The following GFOD1 variants were observed in gnomAD, a reference collection of about 807,000 sequenced individuals.
GFOD1 encodes glucose-fructose oxidoreductase domain-containing protein 1.
Under a neutral mutation model 25.4 loss-of-function variants are expected in GFOD1, and 9 were observed. The observed-to-expected ratio is 0.35, with a 90% confidence interval of 0.21 to 0.62. The LOEUF is 0.62. Among genes scored for constraint, GFOD1 ranks in the 20% least tolerant of loss-of-function variants. GFOD1 has a pLI of 0.72. For missense variants in GFOD1, 403 were observed against 556.9 expected, an observed-to-expected ratio of 0.72 and a Z score of 2.78; for synonymous variants, 253 against 245.6, an observed-to-expected ratio of 1.03 and a Z score of -0.28.
chr6:13,483,359 C>A (rs1054251008), intron 1 of GFOD1, among the ~76,000 whole-genome samples: 2 of 152,160 alleles, frequency 1.3e-5, no homozygotes, highest in African/African-American at 4.8e-5. Flanking sequence ...GAAACCCCAG[C>A]AGGGTGGGCT....
At chr6:13,478,903 T>A (rs1004535451) in intron 1 of GFOD1, among the ~76,000 whole-genome samples, 9 of 152,048 alleles carry the variant, frequency 5.9e-5, no homozygotes, top group East Asian at 5.8e-4. Context: ...GAAACCCCCC[T>A]AAGCACCCCC....
intron 1 of GFOD1, among the ~76,000 whole-genome samples, chr6:13,424,956 C>CTTTTTTTTT (rs571287840): frequency 1.6e-5 from 2 of 123,896 alleles, no homozygotes; most frequent in African/African-American, 6.4e-5. Flanking sequence ...ACATTTAATT[C>CTTTTTTTTT]TTTTTTTTTT....
At chr6:13,457,115 C>T (rs72826959) in intron 1 of GFOD1, among the ~76,000 whole-genome samples, 2,084 of 152,262 alleles carry the variant, frequency 0.014, 23 homozygotes, top group Non-Finnish European at 0.022. Context: ...CTGCCCAACA[C>T]GGAAAGTGAA....
At chr6:13,379,326 G>A (rs989282131) in intron 1 of GFOD1, among the ~76,000 whole-genome samples, 7 of 152,114 alleles carry the variant, frequency 4.6e-5, no homozygotes, top group South Asian at 2.1e-4. Flanking sequence ...TAGAAGGCAC[G>A]CCAGCTGTTT....
At chr6:13,476,901 T>C (rs1758634843) in intron 1 of GFOD1, among the ~76,000 whole-genome samples, 1 of 152,054 alleles carries the variant, frequency 6.6e-6, no homozygotes, top group African/African-American at 2.4e-5. Context: ...TGTAGACGGG[T>C]ATAGAATTGG....
chr6:13,446,664 C>T (rs901051452), intron 1 of GFOD1, among the ~76,000 whole-genome samples: 1 of 152,168 alleles, frequency 6.6e-6, no homozygotes, highest in African/African-American at 2.4e-5. Flanking sequence ...ACATCCACTG[C>T]CCCAAGCACA....
At chr6:13,384,778 T>G (rs1459029709) in intron 1 of GFOD1, among the ~76,000 whole-genome samples, 1 of 152,232 alleles carries the variant, frequency 6.6e-6, no homozygotes, top group Non-Finnish European at 1.5e-5. Context: ...AGCTCTCTGA[T>G]GCACTGTAAA....
chr6:13,451,013 C>T (rs889735205), intron 1 of GFOD1, among the ~76,000 whole-genome samples: 33 of 152,234 alleles, frequency 2.2e-4, no homozygotes, highest in Admixed American at 2.2e-3. Context: ...TTTCCTACCA[C>T]ACCTTGACCT....
intron 1 of GFOD1, among the ~76,000 whole-genome samples, chr6:13,386,487 C>T (rs190092968): frequency 8.1e-4 from 123 of 152,322 alleles, no homozygotes; most frequent in Middle Eastern, 3.4e-3. Flanking sequence ...AGCAGAAGTG[C>T]CACTTGCCTG....
chr6:13,393,233 G>A (rs916002215), intron 1 of GFOD1, among the ~76,000 whole-genome samples: 3 of 151,916 alleles, frequency 2.0e-5, no homozygotes, highest in Non-Finnish European at 4.4e-5. Flanking sequence ...GTGCATGCCT[G>A]TAATCCCAGC....
At chr6:13,374,972 A>G (rs1785230525) in intron 1 of GFOD1, among the ~76,000 whole-genome samples, 1 of 151,640 alleles carries the variant, frequency 6.6e-6, no homozygotes, top group South Asian at 2.1e-4. Flanking sequence ...CAAACTCCCA[A>G]CCTCAGGTGA....
At chr6:13,411,088 T>G (rs6916302) in intron 1 of GFOD1, among the ~76,000 whole-genome samples, 4,786 of 152,210 alleles carry the variant, frequency 0.031, 268 homozygotes, top group African/African-American at 0.11. Flanking sequence ...TGTCATTGCG[T>G]TATAGGACAA....
Position 13,469,560 on chromosome 6 carries a change from T to C in GFOD1, c.253+17078A>G, listed in dbSNP as rs1002240690. On this transcript the variant is annotated intron_variant, in intron 1 of 1. Transcript: ENST00000379287. Reference sequence around the variant, plus strand: ...ATTATACTGGAAAACACATAAGCTTTGGAGTCAAGCAAACTTAAGTTGAAT... The same window carrying C: ...ATTATACTGGAAAACACATAAGCTTCGGAGTCAAGCAAACTTAAGTTGAAT... 2.8e-6 allele frequency: 3 copies of C among 1,056,724 alleles called. No individual in the cohort carries two copies. In the African/African-American group the frequency reaches 5.0e-5, roughly 18 times the overall value. The allele number at this position is 1,056,724 out of a possible 1,614,324, so 65.5% of individuals were successfully genotyped here.
In GFOD1 at chr6:13,393,329, T is replaced by C. The variant is rs529605870; in HGVS notation, c.254-27667A>G. On this transcript the variant is annotated intron_variant, in intron 1 of 1. Coordinates refer to ENST00000379287, the MANE Select transcript of GFOD1 (RefSeq NM_018988.4). ...GGAGATCATGCCACTGCACTCTAGC[T>C]TGAGGAACAGAGCGAGACCCCATCT... Among the ~76,000 whole-genome samples the C allele has an allele frequency of 1.4e-4, 19 of 138,014 alleles. 1 individual carries two copies. The South Asian group carries it at 4.0e-3, about 29-fold the overall frequency. The allele number at this position is 138,014 out of a possible 152,430, so 90.5% of individuals were successfully genotyped here. A position where few individuals can be genotyped will look rare whatever the true frequency, so the allele number is the denominator to read the frequency against.
rs1400125227 is a variant in GFOD1, at chr6:13,364,925, G to T, written c.991C>A (p.Leu331Ile). ...TCGTCGAAGGTGGCGGCCATGGTGA[G>T]GGGCCGCCCATCCCACGTGCGCCGG... ...DDRRTWDGRP[L>I]TMAATFDDCL... The change falls in exon 2 of 2, where the codon CTC (leucine) becomes ATC (isoleucine). Residue 331 changes from leucine to isoleucine, a missense_variant. Coordinates refer to ENST00000379287, the MANE Select transcript of GFOD1 (RefSeq NM_018988.4). The surrounding 1 kb of genome is among the most constrained non-coding windows in gnomAD (Gnocchi z 4.1). 2.5e-6 allele frequency: 4 copies of T among 1,612,616 alleles called. No individual in the cohort carries two copies. In the South Asian group the frequency reaches 4.4e-5, roughly 18 times the overall value.
chr6:13,369,217 C>T (rs1461642537), intron 1 of GFOD1, among the ~76,000 whole-genome samples: 2 of 152,232 alleles, frequency 1.3e-5, no homozygotes, highest in African/African-American at 4.8e-5. Context: ...TTTGTGCCCA[C>T]AGTCTTTTGC....
chr6:13,482,559 C>A (rs1162419506), intron 1 of GFOD1, among the ~76,000 whole-genome samples: 1 of 151,902 alleles, frequency 6.6e-6, no homozygotes, highest in Non-Finnish European at 1.5e-5. Context: ...CCAGCCTGGC[C>A]AACATAGGGA....
intron 1 of GFOD1, among the ~76,000 whole-genome samples, chr6:13,382,883 T>C (rs1785394939): frequency 6.6e-6 from 1 of 152,212 alleles, no homozygotes; most frequent in African/African-American, 2.4e-5. Context: ...TGTGTTCTCA[T>C]TGTTCAGCTC....
intron 1 of GFOD1, among the ~76,000 whole-genome samples, chr6:13,450,094 T>A (rs1443887561): frequency 6.6e-6 from 1 of 152,132 alleles, no homozygotes; most frequent in Non-Finnish European, 1.5e-5. Flanking sequence ...TCCTGAGAAT[T>A]TCCTCCATAT....
Sources: allele counts gnomAD v4.1 joint callset (sites outside exome capture counted in the v4.1 genomes callset), GRCh38; gene constraint gnomAD v4.1.1; non-coding constraint Gnocchi (gnomAD v3.1); transcripts MANE v1.5; gene names NCBI Gene and HGNC (gene_info 2026-07-23, HGNC 2026-07-21).